Variants in TUSC3 observed in about 807,000 individuals in gnomAD.
TUSC3 encodes the protein tumor suppressor candidate 3.
In TUSC3, 45 loss-of-function variants were observed where a neutral mutation model predicts 44.8. The ratio of observed to expected loss-of-function variants is 1.00; its 90% confidence interval spans 0.79 to 1.29. TUSC3 has a LOEUF of 1.29. Among genes scored for constraint, TUSC3 ranks in the 50% most tolerant of loss-of-function variants. The probability of loss-of-function intolerance (pLI) is 0.00; values close to 1 mark genes in which losing one functional copy is unlikely to be tolerated. For synonymous variants in TUSC3, 212 were observed against 152.9 expected, an observed-to-expected ratio of 1.39 and a Z score of -2.85; for missense variants, 519 against 437.9, an observed-to-expected ratio of 1.19 and a Z score of -1.65.
chr8:15,523,211 C>A (rs568396283), intron 2 of TUSC3, among the ~76,000 whole-genome samples: 3 of 152,172 alleles, frequency 2.0e-5, no homozygotes, highest in African/African-American at 7.2e-5. Flanking sequence ...TGAGTGAGAT[C>A]GTCTGAGTTG....
At chr8:15,662,050 G>C in intron 4 of TUSC3, 106 bp from the exon 5 acceptor site, 1 of 1,252,986 alleles carries the variant, frequency 8.0e-7, no homozygotes. Context: ...AAGTTGGGTG[G>C]CATGTTTCTG....
intron 5 of TUSC3, among the ~76,000 whole-genome samples, chr8:15,670,459 T>C (rs536001595): frequency 2.0e-5 from 3 of 151,854 alleles, no homozygotes; most frequent in Admixed American, 6.6e-5. Context: ...TATGGCATTT[T>C]TGATAAATAT....
downstream of TUSC3, among the ~76,000 whole-genome samples, chr8:15,768,334 G>T (rs1158890366): frequency 6.6e-6 from 1 of 152,098 alleles, no homozygotes; most frequent in Non-Finnish European, 1.5e-5. Context: ...AACTTGGGGA[G>T]AGGGCAGAAT....
intron 7 of TUSC3, among the ~76,000 whole-genome samples, chr8:15,732,701 A>T (rs117317011): frequency 2.0e-3 from 303 of 152,308 alleles, no homozygotes; most frequent in Non-Finnish European, 3.1e-3. Flanking sequence ...ATACAAAGGC[A>T]TTGTTTTTCA....
rs145581486 is a variant in TUSC3 at position 15,665,167 on chromosome 8, C to A, written c.708+2871C>A. 5.3e-3 allele frequency among the ~76,000 whole-genome samples: 797 copies of A among 151,542 alleles called. 7 individuals are homozygous for A. Among genetic ancestry groups the A allele is most frequent in the African/African-American group, 0.018 (756 of 41,432 alleles). ...TATTGTCATCTGACTTACACAAACT[C>A]TGATGAAAGCCTTTGACTGGACAGT... On this transcript the variant is annotated intron_variant, in intron 5 of 10. Transcript: ENST00000503731.
At chr8:15,435,171 A>C (rs922783542) in intron 1 of TUSC3, among the ~76,000 whole-genome samples, 10 of 150,784 alleles carry the variant, frequency 6.6e-5, no homozygotes, top group Non-Finnish European at 1.5e-4. Flanking sequence ...AAGTGTTCCT[A>C]TTTCTCCACA....
chr8:15,797,589 T>C, the TUSC3 span, among the ~76,000 whole-genome samples: 9 of 152,146 alleles, frequency 5.9e-5, no homozygotes, highest in East Asian at 3.9e-4. Flanking sequence ...AGGAAAAACA[T>C]TGGAAATTAA....
intron 1 of TUSC3, among the ~76,000 whole-genome samples, chr8:15,433,593 C>T (rs1799905132): frequency 1.3e-5 from 2 of 151,932 alleles, no homozygotes; most frequent in Admixed American, 1.3e-4. Context: ...CACACACCAC[C>T]ACCGCCACCA....
chr8:15,637,999 A>G (rs1258957387), intron 2 of TUSC3, among the ~76,000 whole-genome samples: 3 of 152,280 alleles, frequency 2.0e-5, no homozygotes, highest in Non-Finnish European at 2.9e-5. Flanking sequence ...CACTCCCCAC[A>G]AAGTGGTGCA....
intron 7 of TUSC3, among the ~76,000 whole-genome samples, chr8:15,732,765 G>A (rs919445785): frequency 2.0e-5 from 3 of 152,054 alleles, no homozygotes; most frequent in Non-Finnish European, 2.9e-5. Context: ...TACAAATCGC[G>A]TTTATATTGC....
At chr8:15,419,439 C>T (rs1443744447) in intron 1 of TUSC3, among the ~76,000 whole-genome samples, 1 of 152,154 alleles carries the variant, frequency 6.6e-6, no homozygotes, top group Admixed American at 6.6e-5. Context: ...TTCTTTGAGG[C>T]GCCAGCAATC....
Position 15,540,266 on chromosome 8 carries a change from C to G in TUSC3, c.-165C>G. On this transcript the variant is annotated 5_prime_UTR_variant, in exon 1 of 11. Coordinates refer to ENST00000503731, the MANE Select transcript of TUSC3 (RefSeq NM_006765.4). ...CCGGTGAACCGGATGCTCTGTCAGTCTCCTCCTCTGCGTCCTCGGCCGCGG... is the reference window on the plus strand; with the variant it reads ...CCGGTGAACCGGATGCTCTGTCAGTGTCCTCCTCTGCGTCCTCGGCCGCGG... The G allele has an allele frequency of 1.0e-6, 1 of 984,418 alleles. No homozygotes were observed. Among genetic ancestry groups the G allele is most frequent in the African/African-American group, 1.7e-5 (1 of 58,042 alleles). The allele number at this position is 984,418 out of a possible 1,614,324, so 61.0% of individuals were successfully genotyped here. A position where few individuals can be genotyped will look rare whatever the true frequency, so the allele number is the denominator to read the frequency against.
intron 9 of TUSC3, among the ~76,000 whole-genome samples, chr8:15,749,103 T>C (rs1374432479): frequency 1.5e-5 from 2 of 136,762 alleles, no homozygotes; most frequent in African/African-American, 5.4e-5. Context: ...AGCTTTTTCC[T>C]CCTTCAAGTT....
intron 3 of TUSC3, among the ~76,000 whole-genome samples, chr8:15,658,833 T>A (rs1229419531): frequency 6.6e-6 from 1 of 152,090 alleles, no homozygotes; most frequent in East Asian, 1.9e-4. Flanking sequence ...TAGTATACTT[T>A]TCAAATGGAA....
At chr8:15,653,679 T>C (rs1198189053) in intron 3 of TUSC3, among the ~76,000 whole-genome samples, 1 of 152,216 alleles carries the variant, frequency 6.6e-6, no homozygotes, top group Admixed American at 6.5e-5. Flanking sequence ...GTAAAAGTTA[T>C]AGCAGTTAAT....
In TUSC3 at chr8:15,566,737, C is replaced by T. The variant is rs144041418; in HGVS notation, c.138+26169C>T. On this transcript the variant is annotated intron_variant, in intron 1 of 10. Transcript: ENST00000503731. The stretch of plus-strand genomic sequence containing the variant: ...CTCCTAGGCTCAAGCAATCCTCCCG[C>T]GTTAGTCTCCTAAGTAGCTGGGATT... 3.1e-3 allele frequency among the ~76,000 whole-genome samples: 471 copies of T among 151,990 alleles called. 10 individuals carry two copies. Among genetic ancestry groups the T allele is most frequent in the Admixed American group, 0.027 (419 of 15,244 alleles).
rs769698604 is a variant in TUSC3 at position 15,623,060 on chromosome 8, A to G, written c.139-20A>G. 7 of 1,612,434 alleles carry G rather than the reference A, an allele frequency of 4.3e-6. No homozygotes were observed. Among genetic ancestry groups the G allele is most frequent in the Non-Finnish European group, 5.9e-6 (7 of 1,178,998 alleles). On this transcript the variant is annotated intron_variant, in intron 1 of 10. Transcript: ENST00000503731. Reference sequence around the variant, plus strand: ...GGACTTTGACTCTTTGTAAATGTTAATTTCTGTGTTTAATTGCAGAATCTT... The same window carrying G: ...GGACTTTGACTCTTTGTAAATGTTAGTTTCTGTGTTTAATTGCAGAATCTT...
chr8:15,673,975 GT>G (rs1808072121), intron 6 of TUSC3, 139 bp downstream of exon 6: 2 of 710,080 alleles, frequency 2.8e-6, no homozygotes, highest in Non-Finnish European at 2.4e-6. Flanking sequence ...TACTACCTGT[GT>G]CACCTATATA....
the TUSC3 span, among the ~76,000 whole-genome samples, chr8:15,819,674 A>G: frequency 6.6e-6 from 1 of 152,200 alleles, no homozygotes; most frequent in Non-Finnish European, 1.5e-5. Context: ...ATTAAAAGTT[A>G]ATGAAACTTT....
Sources: allele counts gnomAD v4.1 joint callset (sites outside exome capture counted in the v4.1 genomes callset), GRCh38; gene constraint gnomAD v4.1.1; transcripts MANE v1.5; gene names NCBI Gene and HGNC (gene_info 2026-07-23, HGNC 2026-07-21).